The following PPARGC1A variants were observed in gnomAD, a reference collection of about 807,000 sequenced individuals.
PPARGC1A encodes PPARG coactivator 1 alpha.
In PPARGC1A, 25 loss-of-function variants were observed where a neutral mutation model predicts 88.7. The observed-to-expected ratio is 0.28, with a 90% CI of 0.21 to 0.39. The LOEUF is 0.39. Among genes scored for constraint, PPARGC1A ranks in the 10% least tolerant of loss-of-function variants. PPARGC1A has a pLI of 1.00. For synonymous variants in PPARGC1A, 363 were observed against 355.6 expected (o/e 1.02, Z -0.24); for missense variants, 880 against 968.7 (o/e 0.91, Z 1.22).
the PPARGC1A span, among the ~76,000 whole-genome samples, chr4:24,417,740 T>C: frequency 6.6e-6 from 1 of 152,194 alleles, no homozygotes; most frequent in Admixed American, 6.5e-5. Flanking sequence ...ATACATTATA[T>C]TGAGTTCAGA....
At chr4:24,181,361 A>C in the PPARGC1A span, among the ~76,000 whole-genome samples, 1 of 152,152 alleles carries the variant, frequency 6.6e-6, no homozygotes, top group African/African-American at 2.4e-5. Context: ...TTAGTCATTT[A>C]GTTTTCCCAC....
the PPARGC1A span, among the ~76,000 whole-genome samples, chr4:24,438,011 A>C: frequency 6.6e-6 from 1 of 152,134 alleles, no homozygotes; most frequent in Non-Finnish European, 1.5e-5. Context: ...TGGCAGGCCC[A>C]TGCTCATTCT....
At chr4:24,252,344 C>T in the PPARGC1A span, among the ~76,000 whole-genome samples, 1 of 152,092 alleles carries the variant, frequency 6.6e-6, no homozygotes, top group Non-Finnish European at 1.5e-5. Context: ...GAACCACGGC[C>T]TTAGGGTATG....
the PPARGC1A span, among the ~76,000 whole-genome samples, chr4:24,331,846 C>T: frequency 6.6e-6 from 1 of 151,478 alleles, no homozygotes; most frequent in Non-Finnish European, 1.5e-5. Context: ...ATACATGGGC[C>T]ATGGTGGTTT....
chr4:24,003,678 C>T, the PPARGC1A span, among the ~76,000 whole-genome samples: 47 of 152,132 alleles, frequency 3.1e-4, no homozygotes, highest in African/African-American at 9.2e-4. Flanking sequence ...TGCAAAGAGC[C>T]GGCAGGGGGT....
intron 2 of PPARGC1A, among the ~76,000 whole-genome samples, chr4:23,838,597 G>C (rs986996236): frequency 6.6e-6 from 1 of 152,128 alleles, no homozygotes; most frequent in Non-Finnish European, 1.5e-5. Context: ...CATATGCCCT[G>C]AGAGTTAGCT....
the PPARGC1A span, among the ~76,000 whole-genome samples, chr4:24,078,324 C>A: frequency 6.6e-6 from 1 of 152,070 alleles, no homozygotes; most frequent in African/African-American, 2.4e-5. Context: ...CCCCAGAAGA[C>A]AATCATTTGC....
chr4:24,272,035 G>A, the PPARGC1A span, among the ~76,000 whole-genome samples: 2 of 152,122 alleles, frequency 1.3e-5, no homozygotes, highest in African/African-American at 4.8e-5. Flanking sequence ...GTTAGCTTCT[G>A]TCTCTCAGGG....
chr4:24,111,588 T>C, the PPARGC1A span, among the ~76,000 whole-genome samples: 1 of 152,204 alleles, frequency 6.6e-6, no homozygotes, highest in African/African-American at 2.4e-5. Flanking sequence ...TAATTGTTTT[T>C]AGCTCCGTGG....
the PPARGC1A span, among the ~76,000 whole-genome samples, chr4:24,405,586 T>A: frequency 2.0e-5 from 3 of 152,182 alleles, no homozygotes; most frequent in Non-Finnish European, 4.4e-5. Context: ...TCCACGCCTG[T>A]GAATGACATA....
the PPARGC1A span, among the ~76,000 whole-genome samples, chr4:24,426,718 A>C: frequency 6.6e-6 from 1 of 152,190 alleles, no homozygotes; most frequent in African/African-American, 2.4e-5. Flanking sequence ...ATAAAAGCTC[A>C]AACTGTTCCA....
chr4:24,125,098 T>A, the PPARGC1A span, among the ~76,000 whole-genome samples: 1 of 152,194 alleles, frequency 6.6e-6, no homozygotes, highest in Non-Finnish European at 1.5e-5. Flanking sequence ...TTGAGAGTAG[T>A]GAAAAGATCT....
At chr4:24,387,916 A>AAGAG in the PPARGC1A span, among the ~76,000 whole-genome samples, 6 of 20,412 alleles carry the variant, frequency 2.9e-4, no homozygotes, top group Non-Finnish European at 7.8e-4. Flanking sequence ...GAAAGAAAGA[A>AAGAG]AGAAAGAAAG....
upstream of PPARGC1A, among the ~76,000 whole-genome samples, chr4:23,902,529 T>C (rs1251986299): frequency 1.3e-5 from 2 of 152,172 alleles, no homozygotes; most frequent in Non-Finnish European, 2.9e-5. Context: ...CATAAAACTT[T>C]TCAGCACCCT....
At chr4:23,908,530 C>G (rs1039666816), upstream of PPARGC1A, among the ~76,000 whole-genome samples, 8 of 144,566 alleles carry the variant, frequency 5.5e-5, no homozygotes, top group Non-Finnish European at 9.1e-5. Context: ...AAAAAAAAAA[C>G]ACCCTACTTG....
intron 2 of PPARGC1A, among the ~76,000 whole-genome samples, chr4:23,854,502 G>C (rs1405952454): frequency 2.0e-5 from 3 of 152,102 alleles, no homozygotes; most frequent in Admixed American, 1.3e-4. Flanking sequence ...GTTTCCGATG[G>C]CCTCTCAGCT....
chr4:24,334,432 G>A, the PPARGC1A span, among the ~76,000 whole-genome samples: 4 of 152,164 alleles, frequency 2.6e-5, no homozygotes, highest in South Asian at 2.1e-4. Flanking sequence ...CAGGTACTTC[G>A]TGAGGATTAA....
the PPARGC1A span, among the ~76,000 whole-genome samples, chr4:23,936,832 T>C: frequency 6.6e-6 from 1 of 152,126 alleles, no homozygotes; most frequent in Non-Finnish European, 1.5e-5. Flanking sequence ...ATCGCACGAC[T>C]GCACTCCAGC....
chr4:24,266,055 G>T, the PPARGC1A span, among the ~76,000 whole-genome samples: 1 of 152,188 alleles, frequency 6.6e-6, no homozygotes, highest in Non-Finnish European at 1.5e-5. Flanking sequence ...GGGCTCTGGC[G>T]TTAATGGGAT....
Sources: allele counts gnomAD v4.1 joint callset (sites outside exome capture counted in the v4.1 genomes callset), GRCh38; gene constraint gnomAD v4.1.1; transcripts MANE v1.5; gene names NCBI Gene and HGNC (gene_info 2026-07-23, HGNC 2026-07-21).